Variants in MYO15B observed in about 807,000 individuals in gnomAD.
MYO15B encodes the protein myosin XVB pseudogene.
MYO15B carries 207 observed loss-of-function variants against 119.3 expected under a neutral mutation model. The ratio of observed to expected loss-of-function variants is 1.73; its 90% CI spans 1.55 to 1.95. The LOEUF (loss-of-function observed/expected upper bound fraction) is 1.95, where lower values mean the gene tolerates loss of function less well. Among genes scored for constraint, MYO15B ranks in the 30% most tolerant of loss-of-function variants. The pLI, the probability that MYO15B is intolerant of heterozygous loss-of-function variation, is 0.00. For synonymous variants in MYO15B, 966 were observed against 498.9 expected, an observed-to-expected ratio of 1.94 and a Z score of -12.48; for missense variants, 2,264 against 1,203.1, an observed-to-expected ratio of 1.88 and a Z score of -13.04.
At chr17:75,598,361 G>A (rs820261) in intron 14 of MYO15B, among the ~76,000 whole-genome samples, 101,178 of 151,170 alleles carry the variant, frequency 0.67, 34,236 homozygotes, top group East Asian at 0.78. Flanking sequence ...GACAGATCTC[G>A]AGGTCAGCAG....
At chr17:75,626,357 G>A (rs1264959529) in intron 63 of MYO15B, 50 bp from the exon 64 acceptor site, 1 of 702,584 alleles carries the variant, frequency 1.4e-6, no homozygotes, top group African/African-American at 1.7e-5. Context: ...CGGGGCAGAG[G>A]CGAGGGGCTG....
At chr17:75,614,977 G>C (rs1243831194) in exon 33 of MYO15B, 1 of 703,084 alleles carries the variant, frequency 1.4e-6, no homozygotes, top group East Asian at 2.7e-5. Context: ...GAACAAAGCT[G>C]GGCTCTGAGC....
rs549439786 is a variant in MYO15B at position 75,612,182 on chromosome 17, G to C, written c.4635+166G>C. Reference sequence around the variant, plus strand: ...ATTGCTCTGAAAATAACCGTTGAATGTAATTGTCTCACCATAGAGCGTTAC... The same window carrying C: ...ATTGCTCTGAAAATAACCGTTGAATCTAATTGTCTCACCATAGAGCGTTAC... On this transcript the variant is annotated intron_variant, in intron 25 of 63. Transcript: ENST00000645453. Among the ~76,000 whole-genome samples the C allele has an allele frequency of 2.6e-5, 4 of 152,328 alleles. No individual in the cohort carries two copies. In the East Asian group the frequency reaches 7.7e-4, roughly 29 times the overall value.
exon 19 of MYO15B, chr17:75,603,237 C>A (rs1323904523): frequency 4.3e-6 from 3 of 703,118 alleles, no homozygotes; most frequent in Non-Finnish European, 5.2e-6. Context: ...CTGCACCAGG[C>A]AGCCATACTG....
intron 15 of MYO15B, 73 bp from the exon 16 acceptor site, chr17:75,602,444 C>T: frequency 1.4e-6 from 1 of 702,794 alleles, no homozygotes. Flanking sequence ...TCCTCCATAT[C>T]CAGCCTCCCC....
exon 46 of MYO15B, chr17:75,619,794 A>G (rs1386297260): frequency 1.4e-6 from 1 of 702,744 alleles, no homozygotes; most frequent in Non-Finnish European, 2.6e-6. Flanking sequence ...TTCTCTGCTC[A>G]TACAGGTGCG....
exon 1 of MYO15B, chr17:75,588,119 G>A: frequency 2.5e-6 from 1 of 398,292 alleles, no homozygotes. Context: ...CCGGCCTCAG[G>A]GGAGCAGGAG....
At position 75,609,254 on chromosome 17, in the gene MYO15B, C is replaced by T. The variant is rs999967029; in HGVS notation, c.4293-912C>T. On this transcript the variant is annotated intron_variant, in intron 21 of 63. Coordinates refer to ENST00000645453, the Ensembl canonical transcript of MYO15B. ...ATAGGGTCTGACTTTGTCACCCAGG[C>T]TAAAGAGCAGTGACCCAGTCATAGC... Among the ~76,000 whole-genome samples the T allele has an allele frequency of 5.3e-5, 8 of 151,376 alleles. No individual in the cohort carries two copies. In the Admixed American group the frequency reaches 5.3e-4, roughly 10 times the overall value.
chr17:75,602,395 GCAGCCTTTCAGGT>G, intron 15 of MYO15B, 109 bp from the exon 16 acceptor site: 1 of 701,176 alleles, frequency 1.4e-6, no homozygotes, highest in Middle Eastern at 2.3e-4. Context: ...AAACACCAAG[GCAGCCTTTCAGGT>G]CACCTGGGGA....
In MYO15B at chr17:75,619,130, G is replaced by A. The variant is rs766129749; in HGVS notation, c.6988-13G>A. 15 of 702,738 alleles carry A rather than the reference G, an allele frequency of 2.1e-5. No individual in the cohort carries two copies. The highest frequency in any genetic ancestry group is 4.0e-5 in the Admixed American group (2 of 49,996). 43.5% of individuals were successfully genotyped at this position (702,738 alleles called of 1,614,324 possible). A position where few individuals can be genotyped will look rare whatever the true frequency, so the allele number is the denominator to read the frequency against. Reference sequence around the variant, plus strand: ...CTCAGGACCTGGTGGTGACCACCTCGCTCTGCCCCCAGATCCTACGGGACA... The same window carrying A: ...CTCAGGACCTGGTGGTGACCACCTCACTCTGCCCCCAGATCCTACGGGACA... On this transcript the variant is annotated splice_polypyrimidine_tract_variant and intron_variant, in intron 43 of 63. Coordinates refer to ENST00000645453, the Ensembl canonical transcript of MYO15B.
chr17:75,594,934 A>G lies in MYO15B; in HGVS notation c.3259A>G (p.Ile1087Val), dbSNP rs1481810045. Residue 1087 changes from isoleucine (I) to valine (V), a missense_variant, in exon 12 of 64, where the codon ATT (isoleucine) becomes GTT (valine). Physicochemically the swap from Ile to Val is conservative, Grantham distance 29. Transcript: ENST00000645453. Reference sequence around the variant, plus strand: ...GGCACCACCAGGGGAGGGAGGCAGCATTGGCACCGTCACTGTCGTGGATGC... The same window carrying G: ...GGCACCACCAGGGGAGGGAGGCAGCGTTGGCACCGTCACTGTCGTGGATGC... The G allele has an allele frequency of 4.3e-6, 3 of 703,064 alleles. No individual in the cohort carries two copies. The Admixed American group carries it at 6.0e-5, about 14-fold the overall frequency. The allele number at this position is 703,064 out of a possible 1,614,324, so 43.6% of individuals were successfully genotyped here.
intron 21 of MYO15B, among the ~76,000 whole-genome samples, chr17:75,608,308 G>A (rs1232707241): frequency 3.3e-5 from 5 of 151,774 alleles, no homozygotes; most frequent in African/African-American, 1.2e-4. Flanking sequence ...TAGTGGAGAT[G>A]GGGTTTTACT....
chr17:75,618,763 G>C (rs2062360793), intron 43 of MYO15B, among the ~76,000 whole-genome samples: 1 of 144,912 alleles, frequency 6.9e-6, no homozygotes, highest in South Asian at 2.2e-4. Context: ...CTTAATAAAT[G>C]GTTGTCACTT....
chr17:75,617,655 C>T, intron 41 of MYO15B, 155 bp from the exon 42 acceptor site: 2 of 592,146 alleles, frequency 3.4e-6, no homozygotes, highest in Non-Finnish European at 3.0e-6. Context: ...AAAATGGAGG[C>T]AGGAGATGGT....
intron 14 of MYO15B, among the ~76,000 whole-genome samples, chr17:75,597,686 A>G (rs1421743205): frequency 6.6e-6 from 1 of 152,198 alleles, no homozygotes; most frequent in Non-Finnish European, 1.5e-5. Context: ...GAACTTTGGG[A>G]GGCCAAGGTG....
chr17:75,611,517 A>G (rs898117167), intron 23 of MYO15B, 84 bp from the exon 24 acceptor site: 1 of 665,290 alleles, frequency 1.5e-6, no homozygotes, highest in African/African-American at 1.8e-5. Flanking sequence ...GGATGTTTAT[A>G]ATCTTGGGGT....
Position 75,624,317 on chromosome 17 carries a change from G to A in MYO15B, c.8367+48G>A, listed in dbSNP as rs2148156145. 5.7e-6 allele frequency: 4 copies of A among 702,942 alleles called. No homozygotes were observed. In the East Asian group the frequency reaches 8.0e-5, roughly 14 times the overall value. 43.5% of individuals were successfully genotyped at this position (702,942 alleles called of 1,614,324 possible). ...ATTGTGGGACACCCTGGGGTGGGGA[G>A]TGTCTCCTACAGGAGACCACTGGCC... On this transcript the variant is annotated intron_variant, in intron 56 of 63. Coordinates refer to ENST00000645453, the Ensembl canonical transcript of MYO15B.
At chr17:75,594,910 G>C (rs1568124495) in exon 12 of MYO15B, 1 of 703,060 alleles carries the variant, frequency 1.4e-6, no homozygotes. Context: ...TGCACGGCTG[G>C]CACCACCAGG....
chr17:75,623,749 C>A (rs1051314171), intron 53 of MYO15B, 32 bp from the exon 54 acceptor site: 9 of 702,520 alleles, frequency 1.3e-5, no homozygotes, highest in Non-Finnish European at 1.8e-5. Context: ...CGCTGCCATC[C>A]CTCACCCCAC....
Sources: gnomAD v4.1 joint callset for allele counts (sites outside exome capture counted in the v4.1 genomes callset) on GRCh38, gnomAD v4.1.1 for gene constraint, MANE v1.5 for transcripts, NCBI Gene and HGNC (gene_info 2026-07-23, HGNC 2026-07-21) for gene names.